LAMA2: variants seen among roughly 807,000 people sequenced by gnomAD.
LAMA2 encodes laminin subunit alpha 2.
LAMA2 carries 269 observed loss-of-function variants against 364.8 expected under a neutral mutation model. The observed-to-expected ratio is 0.74, with a 90% CI of 0.67 to 0.82. LAMA2 has a LOEUF of 0.82. Among genes scored for constraint, LAMA2 ranks in the 40% least tolerant of loss-of-function variants. The probability of loss-of-function intolerance (pLI) is 0.00; values close to 1 mark genes in which losing one functional copy is unlikely to be tolerated. For synonymous variants in LAMA2, 1,379 were observed against 1,370.6 expected (o/e 1.01, Z -0.14); for missense variants, 3,807 against 3,873.2 (o/e 0.98, Z 0.45).
At chr6:129,370,267 T>G (rs1338923818) in intron 34 of LAMA2, among the ~76,000 whole-genome samples, 3 of 152,200 alleles carry the variant, frequency 2.0e-5, no homozygotes, top group Non-Finnish European at 2.9e-5. Flanking sequence ...GTGGTAAAGT[T>G]TGTATCTGTT....
At chr6:129,168,331 TG>T (rs1211124538) in intron 9 of LAMA2, among the ~76,000 whole-genome samples, 2 of 151,248 alleles carry the variant, frequency 1.3e-5, no homozygotes, top group African/African-American at 4.8e-5. Flanking sequence ...CATCTTGAAT[TG>T]ATTTTTGTAT....
At chr6:129,338,111 A>G (rs1328592578) in intron 29 of LAMA2, among the ~76,000 whole-genome samples, 1 of 152,186 alleles carries the variant, frequency 6.6e-6, no homozygotes, top group Admixed American at 6.5e-5. Context: ...AATTATGTAG[A>G]CTTACAGGTA....
Position 129,393,046 on chromosome 6 carries a change from G to A in LAMA2, c.5236G>A (p.Ala1746Thr), listed in dbSNP as rs1213705895. 2.5e-6 allele frequency: 4 copies of A among 1,612,698 alleles called. No individual in the cohort carries two copies. The highest frequency in any genetic ancestry group is 2.5e-6 in the Non-Finnish European group (3 of 1,179,470). The change falls in exon 37 of 65, where the codon GCT becomes ACT. Residue 1746 changes from alanine (A) to threonine (T), a missense_variant and splice_region_variant. By Grantham distance (58) the Ala-to-Thr change is moderately conservative. Transcript: ENST00000421865. ...TTATTGGGCTGGGGGTGGTTACAGA[G>A]CTGCAGAAGCCCTTCTGAAAAAAGT... ...QKEIAEDELV[A>T]AEALLKKVKK...
chr6:129,428,444 A>C (rs1190830527), intron 41 of LAMA2, among the ~76,000 whole-genome samples: 1 of 152,172 alleles, frequency 6.6e-6, no homozygotes, highest in Admixed American at 6.6e-5. Context: ...TAAAAAGAAA[A>C]ACAAAATTAA....
At chr6:129,404,926 C>T (rs1373931497) in intron 40 of LAMA2, among the ~76,000 whole-genome samples, 1 of 152,024 alleles carries the variant, frequency 6.6e-6, no homozygotes, top group Non-Finnish European at 1.5e-5. Flanking sequence ...CATAATGAAA[C>T]ATCATATTCT....
chr6:128,928,374 G>A, intron 1 of LAMA2, among the ~76,000 whole-genome samples: 2 of 152,250 alleles, frequency 1.3e-5, no homozygotes, highest in South Asian at 4.2e-4. Flanking sequence ...TATATAATGA[G>A]TAGGTAAATC....
At chr6:129,007,806 A>G (rs1784527961) in intron 1 of LAMA2, among the ~76,000 whole-genome samples, 1 of 152,166 alleles carries the variant, frequency 6.6e-6, no homozygotes, top group Non-Finnish European at 1.5e-5. Flanking sequence ...GCCTTTCTGA[A>G]ATACAGGAAC....
chr6:129,192,598 GGACAC>G, intron 11 of LAMA2, 77 bp from the exon 12 acceptor site: 11 of 1,353,248 alleles, frequency 8.1e-6, no homozygotes, highest in Non-Finnish European at 1.1e-5. Context: ...TTCCAAAAGT[GGACAC>G]GACCAGGAAC....
chr6:128,914,863 T>C (rs1157558410), intron 1 of LAMA2, among the ~76,000 whole-genome samples: 1 of 152,194 alleles, frequency 6.6e-6, no homozygotes, highest in Non-Finnish European at 1.5e-5. Flanking sequence ...ATGTTTAAAA[T>C]GTGTTCTTAA....
chr6:129,331,465 A>C (rs879880189), intron 29 of LAMA2, among the ~76,000 whole-genome samples: 2 of 151,950 alleles, frequency 1.3e-5, no homozygotes, highest in Non-Finnish European at 2.9e-5. Context: ...GAGAGGTAAC[A>C]AGCTCCCACT....
chr6:129,401,534 G>T (rs1779974274), intron 38 of LAMA2, among the ~76,000 whole-genome samples, 194 bp downstream of exon 38: 1 of 152,232 alleles, frequency 6.6e-6, no homozygotes, highest in Non-Finnish European at 1.5e-5. Context: ...ATGGACATGA[G>T]TGTTTGTGTA....
At chr6:129,135,830 T>C (rs1777759371) in intron 4 of LAMA2, among the ~76,000 whole-genome samples, 1 of 152,188 alleles carries the variant, frequency 6.6e-6, no homozygotes, top group Non-Finnish European at 1.5e-5. Flanking sequence ...AAAATGTAAA[T>C]GAGAAGCTCC....
At chr6:129,132,310 G>T (rs1258501259) in intron 4 of LAMA2, among the ~76,000 whole-genome samples, 2 of 152,082 alleles carry the variant, frequency 1.3e-5, no homozygotes, top group Non-Finnish European at 2.9e-5. Context: ...AGGACTACAG[G>T]CGCCCGCCAC....
intron 1 of LAMA2, among the ~76,000 whole-genome samples, chr6:128,916,150 A>T (rs1778298840): frequency 6.6e-6 from 1 of 152,130 alleles, no homozygotes; most frequent in Non-Finnish European, 1.5e-5. Flanking sequence ...CCTGCATTTC[A>T]TGGCAATTTT....
chr6:129,039,013 T>C (rs141110740), intron 1 of LAMA2, among the ~76,000 whole-genome samples: 1 of 152,356 alleles, frequency 6.6e-6, no homozygotes, highest in African/African-American at 2.4e-5. Flanking sequence ...AGAAAGATTA[T>C]ACAGTGCATG....
At chr6:129,011,025 G>T (rs1784739313) in intron 1 of LAMA2, among the ~76,000 whole-genome samples, 2 of 151,794 alleles carry the variant, frequency 1.3e-5, no homozygotes, top group Admixed American at 6.6e-5. Flanking sequence ...GTCACCCCCT[G>T]GCTGGAGTGC....
rs1169301146 is a variant in LAMA2 at position 129,324,549 on chromosome 6, T to C, written c.4177-3729T>C. Among the ~76,000 whole-genome samples, 9 of 152,166 alleles carry C rather than the reference T, an allele frequency of 5.9e-5. No individual in the cohort carries two copies. The East Asian group carries it at 1.7e-3, about 29-fold the overall frequency. Reference sequence around the variant, plus strand: ...GTGCTGCTTAACGACAGGGATACGTTCTGAGAAATGTGTCGTTAGGTGATC... The same window carrying C: ...GTGCTGCTTAACGACAGGGATACGTCCTGAGAAATGTGTCGTTAGGTGATC... On this transcript the variant is annotated intron_variant, in intron 28 of 64. Coordinates refer to ENST00000421865, the MANE Select transcript of LAMA2 (RefSeq NM_000426.4).
intron 28 of LAMA2, among the ~76,000 whole-genome samples, chr6:129,324,991 G>A (rs1409051416): frequency 6.6e-6 from 1 of 152,114 alleles, no homozygotes; most frequent in Non-Finnish European, 1.5e-5. Flanking sequence ...TCCATGCAAA[G>A]ATACAAGATA....
In LAMA2 at chr6:129,316,043, A is replaced by C; in HGVS notation, c.3930A>C (p.Glu1310Asp). Reference sequence around the variant, plus strand: ...ATTTCTCTTCTTGTTAACAGAAAGAATGGAAATATTATGGGGATGATCCTC... The same window carrying C: ...ATTTCTCTTCTTGTTAACAGAAAGACTGGAAATATTATGGGGATGATCCTC... The part of the protein sequence containing the change: ...TRHEIEMTEK[E>D]WKYYGDDPRV... The change falls in exon 27 of 65, where the codon GAA (glutamate) becomes GAC (aspartate). Residue 1310 changes from glutamate (E) to aspartate (D), a missense_variant. Physicochemically the swap from Glu to Asp is conservative, Grantham distance 45. Coordinates refer to ENST00000421865, the MANE Select transcript of LAMA2 (RefSeq NM_000426.4). 2 of 1,614,132 alleles carry C rather than the reference A, an allele frequency of 1.2e-6. No homozygotes were observed. Among genetic ancestry groups the C allele is most frequent in the Middle Eastern group, 1.7e-4 (1 of 6,058 alleles).
Sources: gnomAD v4.1 joint callset for allele counts (sites outside exome capture counted in the v4.1 genomes callset) on GRCh38, gnomAD v4.1.1 for gene constraint, MANE v1.5 for transcripts, NCBI Gene and HGNC (gene_info 2026-07-23, HGNC 2026-07-21) for gene names.